Variants in RAB3D observed in about 807,000 individuals in gnomAD.
RAB3D encodes RAB3D, member RAS oncogene family, also known as ras-related protein Rab-3D.
A neutral mutation model predicts 19.3 loss-of-function variants in RAB3D; 17 were observed. That is an observed-to-expected ratio of 0.88 (90% CI 0.60 to 1.32). The LOEUF (loss-of-function observed/expected upper bound fraction) is 1.32. Ranked by LOEUF, RAB3D falls within the 40% of genes most tolerant of loss-of-function variation. The pLI is 0.00. For synonymous variants in RAB3D, 103 were observed against 119.9 expected (o/e 0.86, Z 0.92); for missense variants, 223 against 299.1 (o/e 0.75, Z 1.88).
In RAB3D at chr19:11,326,663, G is replaced by A. The variant is rs549364728; in HGVS notation, c.473-1078C>T. ...CTATTGCCCAGGCCGGGGTGTAGTG[G>A]TATGAACATGGCTCATTGCAGCCTC... is the stretch of plus-strand genomic sequence containing the variant. On this transcript the variant is annotated intron_variant, in intron 4 of 4. Transcript: ENST00000222120. The A allele has an allele frequency of 4.5e-5, 27 of 605,414 alleles. No homozygotes were observed. In the South Asian group the frequency reaches 5.0e-4, roughly 11 times the overall value. 37.5% of individuals were successfully genotyped at this position (605,414 alleles called of 1,614,324 possible).
intron 4 of RAB3D, among the ~76,000 whole-genome samples, chr19:11,326,154 G>A (rs916760623): frequency 4.6e-5 from 7 of 151,422 alleles, no homozygotes; most frequent in Admixed American, 2.0e-4. Context: ...TCTGGGAGGC[G>A]GAGGTTATAG....
intron 4 of RAB3D, among the ~76,000 whole-genome samples, chr19:11,330,797 G>C (rs1046725410): frequency 6.6e-6 from 1 of 151,906 alleles, no homozygotes; most frequent in African/African-American, 2.4e-5. Flanking sequence ...TGATCCACCC[G>C]CCTCGGCCTC....
intron 3 of RAB3D, 21 bp downstream of exon 3, chr19:11,335,644 C>A: frequency 6.2e-7 from 1 of 1,613,796 alleles, no homozygotes; most frequent in Non-Finnish European, 8.5e-7. Context: ...GATCAGGGGT[C>A]CATGATCAGC....
In RAB3D at chr19:11,324,235, G is replaced by T. The variant is rs2080797739; in HGVS notation, c.*1163C>A. 1 of 151,460 alleles carries T rather than the reference G, an allele frequency of 6.6e-6. No individual in the cohort carries two copies. 9.4% of individuals were successfully genotyped at this position (151,460 alleles called of 1,614,324 possible). ...TGCACCACTGCACTCCAGCCTGGGT[G>T]ACAGAGCCAGACCATCTCAAAAAGA... On this transcript the variant is annotated 3_prime_UTR_variant, in exon 5 of 5. Coordinates refer to ENST00000222120, the MANE Select transcript of RAB3D (RefSeq NM_004283.4).
intron 4 of RAB3D, among the ~76,000 whole-genome samples, chr19:11,333,370 G>T (rs2080841746): frequency 6.6e-6 from 1 of 151,916 alleles, no homozygotes; most frequent in South Asian, 2.1e-4. Flanking sequence ...GTGAGCCACT[G>T]CGCCCGGCAG....
Position 11,325,586 on chromosome 19 carries a change from C to T in RAB3D, c.473-1G>A. On this transcript the variant is annotated splice_acceptor_variant, in intron 4 of 4. Transcript: ENST00000222120. LOFTEE classifies it high-confidence loss of function. ...GCACTGGCTTCAAAGAACTCGAAAC[C>T]TGGATGAATGTTAAGGTGGGGACAC... 1 of 1,604,266 alleles carries T rather than the reference C, an allele frequency of 6.2e-7. No homozygotes were observed. The highest frequency in any genetic ancestry group is 8.5e-7 in the Non-Finnish European group (1 of 1,176,584).
At chr19:11,326,949 G>A in intron 4 of RAB3D, 1 of 502,552 alleles carries the variant, frequency 2.0e-6, no homozygotes, top group Non-Finnish European at 3.5e-6. Context: ...CTGCCTGAGA[G>A]GAGCTGTCCC....
At position 11,339,543 on chromosome 19, in the gene RAB3D, A is replaced by T. The variant is rs971901702; in HGVS notation, c.-136T>A. The T allele has an allele frequency of 6.6e-6, 1 of 152,370 alleles. No individual in the cohort carries two copies. Among genetic ancestry groups the T allele is most frequent in the Non-Finnish European group, 1.5e-5 (1 of 68,196 alleles). The allele number at this position is 152,370 out of a possible 1,614,324, so 9.4% of individuals were successfully genotyped here. ...ACCTCGCGTAGGGGGCGCCGCCTGC[A>T]GGGGTTCCGCCTGTGAACTCGCTGC... On this transcript the variant is annotated 5_prime_UTR_variant, in exon 1 of 5. Transcript: ENST00000222120.
At chr19:11,330,262 C>G (rs36042866) in intron 4 of RAB3D, among the ~76,000 whole-genome samples, 1 of 152,142 alleles carries the variant, frequency 6.6e-6, no homozygotes. Context: ...AAGGCCAGAT[C>G]GTAAATATTT....
rs533480397 is a variant in RAB3D, at chr19:11,325,587, T to C, written c.473-2A>G. ...CACTGGCTTCAAAGAACTCGAAACCTGGATGAATGTTAAGGTGGGGACACT... is the reference window on the plus strand; with the variant it reads ...CACTGGCTTCAAAGAACTCGAAACCCGGATGAATGTTAAGGTGGGGACACT... On this transcript the variant is annotated splice_acceptor_variant, in intron 4 of 4. Transcript: ENST00000222120. LOFTEE classifies it high-confidence loss of function. 3.7e-6 allele frequency: 6 copies of C among 1,601,854 alleles called. No individual in the cohort carries two copies. In the African/African-American group the frequency reaches 4.1e-5, roughly 11 times the overall value.
At position 11,335,470 on chromosome 19, in the gene RAB3D, C is replaced by A; in HGVS notation, c.449G>T (p.Gly150Val). 1.2e-6 allele frequency: 2 copies of A among 1,614,184 alleles called. No individual in the cohort carries two copies. The highest frequency in any genetic ancestry group is 1.7e-6 in the Non-Finnish European group (2 of 1,180,036). The change falls in exon 4 of 5, where the codon GGC becomes GTC. Residue 150 changes from glycine (G) to valine (V), a missense_variant. Physicochemically the swap from Gly to Val is moderately radical, Grantham distance 109. Transcript: ENST00000222120. Reference sequence around the variant, plus strand: ...ACCAAGGTCGTCGGCGAGCCTCCGGCCATCCTCAGCAGGCACAACACGTTC... The same window carrying A: ...ACCAAGGTCGTCGGCGAGCCTCCGGACATCCTCAGCAGGCACAACACGTTC... ...EDERVVPAED[G>V]RRLADDLGFE... is the part of the protein sequence containing the mutation.
rs370691151 is a variant in RAB3D, at chr19:11,335,722, C to T, written c.290G>A (p.Gly97Asp). Reference sequence around the variant, plus strand: ...GGCGATGTCATACATGAGCAGGAAGCCCATGGCTCCCCGGTAGTAGGCCGT... The same window carrying T: ...GGCGATGTCATACATGAGCAGGAAGTCCATGGCTCCCCGGTAGTAGGCCGT... ...ITTAYYRGAMGFLLMYDIANQ... is the reference protein window; with the variant it reads ...ITTAYYRGAMDFLLMYDIANQ... Residue 97 changes from glycine (G) to aspartate (D), a missense_variant, in exon 3 of 5, where the codon GGC (glycine) becomes GAC (aspartate). Physicochemically the swap from Gly to Asp is moderately conservative, Grantham distance 94 (BLOSUM62 -1). Coordinates refer to ENST00000222120, the MANE Select transcript of RAB3D (RefSeq NM_004283.4). The T allele has an allele frequency of 3.1e-6, 5 of 1,614,066 alleles. No individual in the cohort carries two copies. In the African/African-American group the frequency reaches 4.0e-5, roughly 13 times the overall value.
rs368583876 is a variant in RAB3D, at chr19:11,331,244, G to A, written c.472+4203C>T. Among the ~76,000 whole-genome samples the A allele has an allele frequency of 5.3e-5, 8 of 151,268 alleles. No individual in the cohort carries two copies. The South Asian group carries it at 1.3e-3, about 24-fold the overall frequency. On this transcript the variant is annotated intron_variant, in intron 4 of 4. Transcript: ENST00000222120. Reference sequence around the variant, plus strand: ...GGGGAGGCGGAGGTGGCAATGAGCCGAAATCACGCCATTGCACTCCAGCCT... The same window carrying A: ...GGGGAGGCGGAGGTGGCAATGAGCCAAAATCACGCCATTGCACTCCAGCCT...
At chr19:11,334,657 C>G (rs559936443) in intron 4 of RAB3D, among the ~76,000 whole-genome samples, 46 of 152,086 alleles carry the variant, frequency 3.0e-4, no homozygotes, top group Middle Eastern at 3.4e-3. Context: ...AGGCATGGTG[C>G]CTCACGCTTG....
At position 11,323,348 on chromosome 19, in the gene RAB3D, C is replaced by T. The variant is rs1159524322; in HGVS notation, c.*2050G>A. ...ATGGCTCACGCCTGTAATCCCAGCACTTTGGGAGGCCGAAGCAAGTGGATC... is the reference window on the plus strand; with the variant it reads ...ATGGCTCACGCCTGTAATCCCAGCATTTTGGGAGGCCGAAGCAAGTGGATC... On this transcript the variant is annotated 3_prime_UTR_variant, in exon 5 of 5. Coordinates refer to ENST00000222120, the MANE Select transcript of RAB3D (RefSeq NM_004283.4). The T allele has an allele frequency of 1.3e-5, 2 of 152,200 alleles. No homozygotes were observed. Among genetic ancestry groups the T allele is most frequent in the African/African-American group, 4.8e-5 (2 of 41,446 alleles). 9.4% of individuals were successfully genotyped at this position (152,200 alleles called of 1,614,324 possible).
chr19:11,326,025 C>A (rs28407490), intron 4 of RAB3D, among the ~76,000 whole-genome samples: 12,649 of 151,886 alleles, frequency 0.083, 1,029 homozygotes, highest in African/African-American at 0.22. Flanking sequence ...GTTCAAGACC[C>A]GCCTGACCAA....
At chr19:11,336,458 G>A (rs536526435) in intron 2 of RAB3D, among the ~76,000 whole-genome samples, 4 of 152,006 alleles carry the variant, frequency 2.6e-5, no homozygotes, top group African/African-American at 9.7e-5. Flanking sequence ...ACAGGCGGGA[G>A]CTACCATGCT....
chr19:11,337,094 A>C (rs113982425), intron 2 of RAB3D, 78 bp downstream of exon 2: 1 of 288,884 alleles, frequency 3.5e-6, no homozygotes, highest in Non-Finnish European at 5.8e-6. Flanking sequence ...ACTCCGTCTC[A>C]AAAAAAAAAA....
At chr19:11,326,823 T>G in intron 4 of RAB3D, 1 of 683,656 alleles carries the variant, frequency 1.5e-6, no homozygotes, top group Non-Finnish European at 2.7e-6. Context: ...TTGCGCAGGC[T>G]GGTCTTGAAC....
Sources: allele counts gnomAD v4.1 joint callset (sites outside exome capture counted in the v4.1 genomes callset), GRCh38; gene constraint gnomAD v4.1.1; transcripts MANE v1.5; gene names NCBI Gene and HGNC (gene_info 2026-07-23, HGNC 2026-07-21).